Variants in SYT12 observed in about 807,000 individuals in gnomAD.
The protein encoded by SYT12 is synaptotagmin 12.
In SYT12, 27 loss-of-function variants were observed where a neutral mutation model predicts 39.5. That is an observed-to-expected ratio of 0.68 (90% CI 0.50 to 0.94). The LOEUF (loss-of-function observed/expected upper bound fraction) is 0.94. Among genes scored for constraint, SYT12 ranks in the 40% least tolerant of loss-of-function variants. The probability of loss-of-function intolerance (pLI) is 0.00; values close to 1 mark genes in which losing one functional copy is unlikely to be tolerated. For missense variants in SYT12, 536 were observed against 572.6 expected, an observed-to-expected ratio of 0.94 and a Z score of 0.65; for synonymous variants, 233 against 239.7, an observed-to-expected ratio of 0.97 and a Z score of 0.26.
intron 1 of SYT12, chr11:67,027,127 G>A (rs1256843352): frequency 6.6e-6 from 1 of 152,312 alleles, no homozygotes; most frequent in Non-Finnish European, 1.5e-5. Context: ...CACCCTCTAG[G>A]AGCCTCGACC....
intron 2 of SYT12, 75 bp downstream of exon 2, chr11:67,030,253 G>A: frequency 6.5e-7 from 1 of 1,530,688 alleles, no homozygotes; most frequent in Non-Finnish European, 9.0e-7. Flanking sequence ...GGAGGTGTCT[G>A]TGGGACATGA....
chr11:67,018,240 G>C (rs560392567), upstream of SYT12, among the ~76,000 whole-genome samples: 1 of 151,860 alleles, frequency 6.6e-6, no homozygotes, highest in Non-Finnish European at 1.5e-5. Context: ...TCCAGCCTGG[G>C]GGACAAGAGC....
intron 3 of SYT12, among the ~76,000 whole-genome samples, chr11:67,013,305 C>T (rs1950027849): frequency 1.3e-5 from 2 of 152,194 alleles, no homozygotes; most frequent in Non-Finnish European, 2.9e-5. Context: ...GGGCCCTGGC[C>T]ATGCAAGCTC....
At chr11:67,021,451 G>A (rs1044239064), upstream of SYT12, among the ~76,000 whole-genome samples, 2 of 151,902 alleles carry the variant, frequency 1.3e-5, no homozygotes, top group African/African-American at 4.8e-5. Flanking sequence ...TGGGACTACA[G>A]GCATTTTTAG....
rs749746923 is a variant in SYT12 at position 67,035,614 on chromosome 11, T to C, written c.228+776T>C. On this transcript the variant is annotated intron_variant, in intron 3 of 7. Coordinates refer to ENST00000527043, the MANE Select transcript of SYT12 (RefSeq NM_177963.4). ...CTGGGACTACAGGCACCCGCCACCA[T>C]GCCCAGCTAATTTTTTGTATTTTTA... 2.9e-3 allele frequency among the ~76,000 whole-genome samples: 433 copies of C among 151,350 alleles called. 3 individuals carry two copies. Among genetic ancestry groups the C allele is most frequent in the South Asian group, 0.016 (79 of 4,798 alleles).
chr11:67,039,624 A>G (rs979346524), intron 3 of SYT12, among the ~76,000 whole-genome samples, 187 bp from the exon 4 acceptor site: 3 of 152,200 alleles, frequency 2.0e-5, no homozygotes, highest in Non-Finnish European at 4.4e-5. Flanking sequence ...CAAAAAAATG[A>G]GTAAATAAAT....
intron 3 of SYT12, among the ~76,000 whole-genome samples, chr11:67,035,508 A>G (rs956011476): frequency 1.6e-5 from 2 of 125,858 alleles, no homozygotes; most frequent in Non-Finnish European, 3.1e-5. Flanking sequence ...CCCAGGCTGG[A>G]GTGCAGTGGG....
chr11:67,030,313 C>A, intron 2 of SYT12, 135 bp downstream of exon 2: 2 of 1,069,302 alleles, frequency 1.9e-6, no homozygotes, highest in Non-Finnish European at 2.7e-6. Flanking sequence ...CAGTCAGTGA[C>A]TTGCCCAAGG....
intron 2 of SYT12, among the ~76,000 whole-genome samples, chr11:67,034,319 C>A (rs1223691820): frequency 2.0e-5 from 3 of 152,098 alleles, no homozygotes; most frequent in Non-Finnish European, 4.4e-5. Flanking sequence ...AATCCAAATC[C>A]AAAATCTGAA....
chr11:67,019,377 C>A (rs1012286974), upstream of SYT12, among the ~76,000 whole-genome samples: 1 of 151,592 alleles, frequency 6.6e-6, no homozygotes, highest in Non-Finnish European at 1.5e-5. Flanking sequence ...GAGATTCAGG[C>A]AGGAGAATCG....
chr11:67,048,750 G>T lies in SYT12; in HGVS notation c.1259G>T (p.Arg420Leu), dbSNP rs78683901. 7.5e-6 allele frequency: 12 copies of T among 1,593,526 alleles called. No homozygotes were observed. The highest frequency in any genetic ancestry group is 2.7e-5 in the African/African-American group (2 of 74,560). ...GTGTCCATGTGGCACGCTGTCCGGC[G>T]AAACTAGCAACCAGGGCGGGCCAGT... ...RPVSMWHAVR[R>L]N is the part of the protein sequence containing the mutation. The change falls in exon 8 of 8, where the codon CGA (arginine) becomes CTA (leucine). Residue 420 changes from arginine (R) to leucine (L), a missense_variant. Transcript: ENST00000527043.
chr11:67,048,419 G>A (rs185903713), intron 7 of SYT12, among the ~76,000 whole-genome samples, 165 bp from the exon 8 acceptor site: 1 of 152,262 alleles, frequency 6.6e-6, no homozygotes, highest in African/African-American at 2.4e-5. Flanking sequence ...TTTATTTGCT[G>A]AGTGACCTGG....
At chr11:67,041,868 G>C (rs1166826811) in intron 4 of SYT12, among the ~76,000 whole-genome samples, 1 of 152,220 alleles carries the variant, frequency 6.6e-6, no homozygotes, top group African/African-American at 2.4e-5. Flanking sequence ...GGCCAGAGCA[G>C]AGGGGGGAAG....
intron 3 of SYT12, among the ~76,000 whole-genome samples, chr11:67,039,240 T>G (rs1591371700): frequency 6.7e-6 from 1 of 149,274 alleles, no homozygotes; most frequent in African/African-American, 2.5e-5. Context: ...GAGGGGGAGG[T>G]TGCAGTGAAT....
chr11:67,018,810 G>A (rs1461829168), upstream of SYT12, among the ~76,000 whole-genome samples: 3 of 151,746 alleles, frequency 2.0e-5, no homozygotes, highest in East Asian at 3.9e-4. Context: ...GCGACAGAGC[G>A]AGACTCCGTC....
rs769722071 is a variant in SYT12, at chr11:67,050,703, C to G, written c.*1946C>G. 6.6e-6 allele frequency: 1 copy of G among 152,558 alleles called. No homozygotes were observed. The highest frequency in any genetic ancestry group is 1.5e-5 in the Non-Finnish European group (1 of 68,244). 9.5% of individuals were successfully genotyped at this position (152,558 alleles called of 1,614,324 possible). On this transcript the variant is annotated 3_prime_UTR_variant, in exon 8 of 8. Transcript: ENST00000527043. ...TGCCCTCTCCCCTCTCTCCCTCCCC[C>G]TAACTGCATGACATGTTAACTGTGT...
intron 4 of SYT12, among the ~76,000 whole-genome samples, chr11:67,043,032 T>C (rs900808881): frequency 6.6e-6 from 1 of 152,106 alleles, no homozygotes; most frequent in Non-Finnish European, 1.5e-5. Flanking sequence ...AGGCAGTGAC[T>C]AAAGCATCCC....
upstream of SYT12, among the ~76,000 whole-genome samples, chr11:67,018,597 C>T (rs891281326): frequency 6.6e-6 from 1 of 151,786 alleles, no homozygotes; most frequent in African/African-American, 2.4e-5. Flanking sequence ...CCGAGGCAGG[C>T]GGATCATGAG....
intron 1 of SYT12, chr11:67,028,207 T>C (rs1052325673): frequency 6.6e-6 from 1 of 152,156 alleles, no homozygotes; most frequent in Non-Finnish European, 1.5e-5. Context: ...GTCAGATAAA[T>C]GCAAAGTGCT....
Sources: allele counts gnomAD v4.1 joint callset (sites outside exome capture counted in the v4.1 genomes callset), GRCh38; gene constraint gnomAD v4.1.1; transcripts MANE v1.5; gene names NCBI Gene and HGNC (gene_info 2026-07-23, HGNC 2026-07-21).